Variants in LPP observed in about 807,000 individuals in gnomAD.
LPP encodes lipoma-preferred partner.
A neutral mutation model predicts 60.4 loss-of-function variants in LPP; 38 were observed. The observed-to-expected ratio is 0.63, with a 90% confidence interval of 0.49 to 0.83. The LOEUF (loss-of-function observed/expected upper bound fraction) is 0.83. Among genes scored for constraint, LPP ranks in the 40% least tolerant of loss-of-function variants. The pLI is 0.00. For missense variants in LPP, 902 were observed against 783.6 expected, an observed-to-expected ratio of 1.15 and a Z score of -1.80; for synonymous variants, 328 against 290.8, an observed-to-expected ratio of 1.13 and a Z score of -1.30.
At chr3:188,286,311 G>T (rs1743898929) in intron 2 of LPP, among the ~76,000 whole-genome samples, 1 of 152,154 alleles carries the variant, frequency 6.6e-6, no homozygotes, top group Non-Finnish European at 1.5e-5. Context: ...GCAGGGAATT[G>T]CTCCTTGGAT....
At chr3:188,296,175 G>A (rs1042924263) in intron 2 of LPP, among the ~76,000 whole-genome samples, 2 of 152,172 alleles carry the variant, frequency 1.3e-5, no homozygotes, top group Admixed American at 6.5e-5. Context: ...TGGTCCACTG[G>A]GGGAAGGATG....
chr3:188,363,601 A>G (rs912457823), intron 3 of LPP, among the ~76,000 whole-genome samples: 4 of 152,064 alleles, frequency 2.6e-5, no homozygotes, highest in Non-Finnish European at 5.9e-5. Flanking sequence ...CCTTCGACTG[A>G]GCTCTAGAAA....
At chr3:188,262,705 TC>T (rs201135890) in intron 2 of LPP, among the ~76,000 whole-genome samples, 1,549 of 151,608 alleles carry the variant, frequency 0.01, 22 homozygotes, top group African/African-American at 0.035. Context: ...CTCTCCTCTC[TC>T]CTCTCTCTGT....
At chr3:188,420,330 T>A (rs1394989065) in intron 4 of LPP, among the ~76,000 whole-genome samples, 1 of 152,212 alleles carries the variant, frequency 6.6e-6, no homozygotes, top group Non-Finnish European at 1.5e-5. Flanking sequence ...TGATTCATGT[T>A]TATATTATCT....
At chr3:188,771,329 A>T (rs1225505805) in intron 9 of LPP, among the ~76,000 whole-genome samples, 1 of 152,072 alleles carries the variant, frequency 6.6e-6, no homozygotes, top group Non-Finnish European at 1.5e-5. Context: ...TGCACAGATC[A>T]CTTGAGGTCA....
rs73890523 is a variant in LPP at position 188,491,221 on chromosome 3, T to C, written c.306+6517T>C. Among the ~76,000 whole-genome samples the C allele has an allele frequency of 3.0e-3, 456 of 152,290 alleles. 8 individuals are homozygous for C. Among genetic ancestry groups the C allele is most frequent in the African/African-American group, 0.011 (438 of 41,574 alleles). On this transcript the variant is annotated intron_variant, in intron 5 of 11. Transcript: ENST00000617246. ...GGCAGCTGAACTGGCTTTACGTGGG[T>C]TGGACCACCTTATCATAAAAGTCTG...
chr3:188,176,484 A>G (rs344957), intron 1 of LPP, among the ~76,000 whole-genome samples: 9,947 of 152,158 alleles, frequency 0.065, 519 homozygotes, highest in African/African-American at 0.15. Flanking sequence ...TTGTCCTGCA[A>G]CAATATTATG....
intron 3 of LPP, among the ~76,000 whole-genome samples, chr3:188,390,216 TA>T: frequency 6.6e-6 from 1 of 152,278 alleles, no homozygotes; most frequent in South Asian, 2.1e-4. Flanking sequence ...CTGAGACAAT[TA>T]TGACAGAGCC....
chr3:188,711,436 A>G (rs1011772538), intron 8 of LPP: 3 of 152,188 alleles, frequency 2.0e-5, no homozygotes, highest in Non-Finnish European at 2.9e-5. Context: ...TAGAATGCAG[A>G]TCTGTACATT....
At chr3:188,770,994 C>T (rs1369309414) in intron 9 of LPP, among the ~76,000 whole-genome samples, 1 of 152,220 alleles carries the variant, frequency 6.6e-6, no homozygotes, top group Non-Finnish European at 1.5e-5. Flanking sequence ...ATGACTGTTA[C>T]ATCTTTCCCT....
chr3:188,604,095 T>C (rs941451991), intron 6 of LPP, among the ~76,000 whole-genome samples: 1 of 152,146 alleles, frequency 6.6e-6, no homozygotes, highest in African/African-American at 2.4e-5. Flanking sequence ...GAAATCACTT[T>C]TACTCATCAC....
chr3:188,470,281 T>TACACACACACAC (rs59656753), intron 4 of LPP, among the ~76,000 whole-genome samples: 17 of 126,764 alleles, frequency 1.3e-4, no homozygotes, highest in East Asian at 5.6e-4. Flanking sequence ...CTCTCTCTCA[T>TACACACACACAC]ACACACACAC....
chr3:188,168,351 AG>A (rs1480736073), intron 1 of LPP, among the ~76,000 whole-genome samples: 1 of 152,228 alleles, frequency 6.6e-6, no homozygotes, highest in Non-Finnish European at 1.5e-5. Flanking sequence ...TTGTGTCCAT[AG>A]CCTTTTAAAC....
intron 8 of LPP, among the ~76,000 whole-genome samples, chr3:188,717,777 T>C (rs904017522): frequency 2.6e-5 from 4 of 152,238 alleles, no homozygotes; most frequent in African/African-American, 7.2e-5. Context: ...GTGTTCTATC[T>C]TAGCATACAT....
intron 2 of LPP, among the ~76,000 whole-genome samples, chr3:188,263,704 C>T (rs574012809): frequency 6.6e-6 from 1 of 152,230 alleles, no homozygotes; most frequent in Non-Finnish European, 1.5e-5. Context: ...TAATCCGTCA[C>T]GTAGAAAGTT....
chr3:188,691,901 C>T (rs974585213), intron 7 of LPP, among the ~76,000 whole-genome samples: 13 of 152,182 alleles, frequency 8.5e-5, no homozygotes, highest in African/African-American at 2.9e-4. Flanking sequence ...TCCACTGAAA[C>T]GTAAGTACTT....
intron 3 of LPP, among the ~76,000 whole-genome samples, chr3:188,353,568 T>A (rs1205102224): frequency 2.6e-5 from 4 of 152,252 alleles, no homozygotes; most frequent in Non-Finnish European, 5.9e-5. Flanking sequence ...TTAGATCTTT[T>A]GTCTCCAAAT....
At chr3:188,489,703 T>C (rs1807743461) in intron 5 of LPP, among the ~76,000 whole-genome samples, 1 of 152,342 alleles carries the variant, frequency 6.6e-6, no homozygotes, top group Middle Eastern at 3.4e-3. Context: ...ATGCAAACAA[T>C]TCTGAGTTGT....
At chr3:188,546,553 A>T (rs1826703370) in intron 6 of LPP, among the ~76,000 whole-genome samples, 1 of 152,148 alleles carries the variant, frequency 6.6e-6, no homozygotes, top group African/African-American at 2.4e-5. Flanking sequence ...ATTGGCCTTA[A>T]TGATTTTGCC....
Sources: allele counts gnomAD v4.1 joint callset (sites outside exome capture counted in the v4.1 genomes callset), GRCh38; gene constraint gnomAD v4.1.1; transcripts MANE v1.5; gene names NCBI Gene and HGNC (gene_info 2026-07-23, HGNC 2026-07-21).